The following TMEM87A variants were observed in gnomAD, a reference collection of about 807,000 sequenced individuals.
TMEM87A encodes Golgi-pH regulating cation channel.
TMEM87A carries 50 observed loss-of-function variants against 90.0 expected under a neutral mutation model. That is an observed-to-expected ratio of 0.56 (90% CI 0.44 to 0.70). The LOEUF (loss-of-function observed/expected upper bound fraction) is 0.70, where lower values mean the gene tolerates loss of function less well. TMEM87A is among the 30% of genes least tolerant of loss of function. The pLI is 0.00. For missense variants in TMEM87A, 577 were observed against 660.5 expected, an observed-to-expected ratio of 0.87 and a Z score of 1.39; for synonymous variants, 226 against 226.7, an observed-to-expected ratio of 1.00 and a Z score of 0.03.
chr15:42,264,697 A>ATTT (rs199888603), intron 3 of TMEM87A, among the ~76,000 whole-genome samples: 3 of 16,680 alleles, frequency 1.8e-4, no homozygotes, highest in African/African-American at 2.3e-4. Flanking sequence ...ATATATATAT[A>ATTT]TATTTTTTTT....
intron 8 of TMEM87A, among the ~76,000 whole-genome samples, chr15:42,238,769 A>T (rs1256252343): frequency 7.7e-5 from 5 of 64,522 alleles, no homozygotes; most frequent in Non-Finnish European, 1.3e-4. Context: ...TTTTTTTTTT[A>T]AAGAAGGAGC....
At chr15:42,264,695 A>ATTTT (rs2051363858) in intron 3 of TMEM87A, among the ~76,000 whole-genome samples, 1 of 18,500 alleles carries the variant, frequency 5.4e-5, no homozygotes, top group Non-Finnish European at 6.0e-4. Flanking sequence ...ATATATATAT[A>ATTTT]TATATTTTTT....
At chr15:42,231,389 G>C (rs1566927459) in intron 11 of TMEM87A, 129 bp from the exon 12 acceptor site, 4 of 632,764 alleles carry the variant, frequency 6.3e-6, no homozygotes, top group Non-Finnish European at 1.0e-5. Context: ...AAAATAAAAA[G>C]AACATTTGAC....
At chr15:42,225,128 T>C (rs1156776818) in intron 15 of TMEM87A, among the ~76,000 whole-genome samples, 2 of 152,208 alleles carry the variant, frequency 1.3e-5, no homozygotes, top group Non-Finnish European at 2.9e-5. Flanking sequence ...ATAAAGTGCA[T>C]AGTTTGAAAT....
Position 42,244,100 on chromosome 15 carries a change from G to C in TMEM87A, c.572C>G (p.Ser191Ter). ...TTCTTTTGATGATTCCTTTGAGGAT[G>C]AAATGCCAATATGTACAATAAAAAT... ...PYIFIVHIGISSSKESSKENS... is the reference protein window; with the variant it reads ...PYIFIVHIGI The change falls in exon 7 of 20, where the codon TCA becomes TGA. Residue 191 changes from serine to a stop codon, truncating the protein, a stop_gained. Transcript: ENST00000389834. LOFTEE classifies it high-confidence loss of function. 1 of 1,580,468 alleles carries C rather than the reference G, an allele frequency of 6.3e-7. No individual in the cohort carries two copies. The highest frequency in any genetic ancestry group is 8.6e-7 in the Non-Finnish European group (1 of 1,169,522).
At chr15:42,249,862 A>G (rs535491710) in intron 6 of TMEM87A, among the ~76,000 whole-genome samples, 67 of 152,290 alleles carry the variant, frequency 4.4e-4, no homozygotes, top group Non-Finnish European at 7.8e-4. Context: ...TAATATTGAC[A>G]GTGGGGTGTT....
intron 19 of TMEM87A, among the ~76,000 whole-genome samples, chr15:42,214,497 A>G (rs935943741): frequency 2.0e-5 from 3 of 152,198 alleles, no homozygotes; most frequent in African/African-American, 7.2e-5. Context: ...CAAGTGGAAC[A>G]AAATAGAAAG....
In TMEM87A at chr15:42,261,237, C is replaced by A. The variant is rs1252470629; in HGVS notation, c.418G>T (p.Asp140Tyr). The change falls in exon 5 of 20, where the codon GAT (aspartate) becomes TAT (tyrosine). Residue 140 changes from aspartate to tyrosine, a missense_variant. Asp to Tyr is a radical substitution (Grantham distance 160, BLOSUM62 -3). Transcript: ENST00000389834. The part of the protein sequence containing the change: ...ELFKTQTFSG[D>Y]FMHRLPLLGE... The stretch of plus-strand genomic sequence containing the variant: ...AAAAGAGGCAGTCGATGCATAAAAT[C>A]TCCAGAAAAGGTCTATAAAAGAAAC... The A allele has an allele frequency of 1.9e-6, 3 of 1,613,324 alleles. No individual in the cohort carries two copies. Among genetic ancestry groups the A allele is most frequent in the Admixed American group, 3.3e-5 (2 of 59,910 alleles).
rs1024466769 is a variant in TMEM87A, at chr15:42,227,061, G to A, written c.1300-152C>T. 9.3e-5 allele frequency: 62 copies of A among 664,938 alleles called. No homozygotes were observed. In the African/African-American group the frequency reaches 1.1e-3, roughly 11 times the overall value. 41.2% of individuals were successfully genotyped at this position (664,938 alleles called of 1,614,324 possible). A position where few individuals can be genotyped will look rare whatever the true frequency, so the allele number is the denominator to read the frequency against. On this transcript the variant is annotated intron_variant, in intron 14 of 19. Coordinates refer to ENST00000389834, the MANE Select transcript of TMEM87A (RefSeq NM_015497.5). ...GTGCTCAGTACTGTGGTAAGTGTGG[G>A]GAAACAAAGTGAATGAATGTAGTTT...
intron 15 of TMEM87A, chr15:42,224,561 G>A (rs1310472670): frequency 6.6e-6 from 1 of 152,208 alleles, no homozygotes. Flanking sequence ...CCTTAACTGT[G>A]AGTATAACTG....
intron 15 of TMEM87A, chr15:42,226,490 C>T (rs1370414344): frequency 6.7e-6 from 2 of 298,592 alleles, no homozygotes; most frequent in Non-Finnish European, 1.3e-5. Context: ...GGTCTGAAAC[C>T]AAACTTGCAA....
intron 15 of TMEM87A, 154 bp downstream of exon 15, chr15:42,226,652 A>G (rs1175792247): frequency 1.5e-6 from 1 of 666,178 alleles, no homozygotes; most frequent in South Asian, 1.9e-5. Flanking sequence ...TGAAGTTAAG[A>G]GGAGAGCTGA....
In TMEM87A at chr15:42,273,416, G is replaced by C; in HGVS notation, c.-18C>G. 1.9e-6 allele frequency: 3 copies of C among 1,613,522 alleles called. No homozygotes were observed. The highest frequency in any genetic ancestry group is 2.5e-6 in the Non-Finnish European group (3 of 1,179,914). On this transcript the variant is annotated 5_prime_UTR_variant, in exon 1 of 20. Transcript: ENST00000389834. The stretch of plus-strand genomic sequence containing the variant: ...GCCGCCATCTTCACAGCCGTGGAGT[G>C]CCTACCGAAAGCATTTCACCCTCTT...
At chr15:42,216,275 A>T (rs560756775) in intron 19 of TMEM87A, among the ~76,000 whole-genome samples, 1 of 152,320 alleles carries the variant, frequency 6.6e-6, no homozygotes, top group South Asian at 2.1e-4. Flanking sequence ...ATTTCATTTA[A>T]ATGAGATGAA....
chr15:42,240,273 G>A (rs1005284795), intron 7 of TMEM87A, among the ~76,000 whole-genome samples: 1 of 151,856 alleles, frequency 6.6e-6, no homozygotes, highest in Non-Finnish European at 1.5e-5. Flanking sequence ...TCGGAATGAA[G>A]GCATTGGAAA....
At chr15:42,243,269 AAAATAAAT>A (rs1204941803) in intron 7 of TMEM87A, among the ~76,000 whole-genome samples, 11 of 117,520 alleles carry the variant, frequency 9.4e-5, no homozygotes, top group Admixed American at 5.8e-4. Context: ...TTCCATCTCA[AAAATAAAT>A]AAATAAATAA....
chr15:42,267,921 A>G, intron 3 of TMEM87A, 26 bp downstream of exon 3: 1 of 1,589,882 alleles, frequency 6.3e-7, no homozygotes, highest in Non-Finnish European at 8.6e-7. Context: ...AGGTCCAAAA[A>G]AACTCTGTAA....
At chr15:42,229,616 C>G (rs2050653671) in intron 12 of TMEM87A, among the ~76,000 whole-genome samples, 1 of 152,150 alleles carries the variant, frequency 6.6e-6, no homozygotes, top group African/African-American at 2.4e-5. Context: ...GATCTACACT[C>G]AGTCCCCTCA....
At chr15:42,258,016 C>T (rs2051215537) in intron 6 of TMEM87A, 3 of 973,704 alleles carry the variant, frequency 3.1e-6, no homozygotes, top group South Asian at 9.5e-5. Flanking sequence ...CTTCTGAGAT[C>T]AGAAAATAAA....
Sources: allele counts gnomAD v4.1 joint callset (sites outside exome capture counted in the v4.1 genomes callset), GRCh38; gene constraint gnomAD v4.1.1; transcripts MANE v1.5; gene names NCBI Gene and HGNC (gene_info 2026-07-23, HGNC 2026-07-21).